SCFD2: variants seen among roughly 807,000 people sequenced by gnomAD.
SCFD2 encodes sec1 family domain containing 2, also known as sec1 family domain-containing protein 2.
A neutral mutation model predicts 58.9 loss-of-function variants in SCFD2; 54 were observed. That is an observed-to-expected ratio of 0.92 (90% CI 0.74 to 1.15). SCFD2 has a LOEUF of 1.15. Ranked by LOEUF, SCFD2 falls within the 50% of genes most tolerant of loss-of-function variation. The pLI, the probability that SCFD2 is intolerant of heterozygous loss-of-function variation, is 0.00. For synonymous variants in SCFD2, 321 were observed against 335.9 expected (o/e 0.96, Z 0.49); for missense variants, 805 against 836.6 (o/e 0.96, Z 0.47).
Position 52,873,746 on chromosome 4 carries a change from G to T in SCFD2, c.*223C>A, listed in dbSNP as rs1175749761. 6 of 379,120 alleles carry T rather than the reference G, an allele frequency of 1.6e-5. No individual in the cohort carries two copies. Among genetic ancestry groups the T allele is most frequent in the Non-Finnish European group, 2.4e-5 (5 of 207,442 alleles). 23.5% of individuals were successfully genotyped at this position (379,120 alleles called of 1,614,324 possible). A position where few individuals can be genotyped will look rare whatever the true frequency, so the allele number is the denominator to read the frequency against. On this transcript the variant is annotated 3_prime_UTR_variant, in exon 9 of 9. Transcript: ENST00000401642. ...AATTGGACTCGCCAAAAGACAGACT[G>T]TCGCCTTCAGGAAAATAAAAAAACT...
At chr4:52,971,229 A>T (rs985582015) in intron 5 of SCFD2, among the ~76,000 whole-genome samples, 1 of 152,210 alleles carries the variant, frequency 6.6e-6, no homozygotes, top group Non-Finnish European at 1.5e-5. Context: ...GAGCAAAAGG[A>T]GGAAGTTTGA....
chr4:53,259,310 C>T (rs1268400367), intron 4 of SCFD2, among the ~76,000 whole-genome samples: 2 of 152,030 alleles, frequency 1.3e-5, no homozygotes, highest in African/African-American at 4.8e-5. Flanking sequence ...AATATCTAGA[C>T]GGTTTGTCCG....
At position 52,873,391 on chromosome 4, in the gene SCFD2, G is replaced by T. The variant is rs1718394801; in HGVS notation, c.*578C>A. On this transcript the variant is annotated 3_prime_UTR_variant, in exon 9 of 9. Coordinates refer to ENST00000401642, the MANE Select transcript of SCFD2 (RefSeq NM_152540.4). ...ACAATGCAGTCCTTTGTTATGGCAG[G>T]ATGATTTACAACACATGCAGGCTAC... 1 of 152,506 alleles carries T rather than the reference G, an allele frequency of 6.6e-6. No homozygotes were observed. The highest frequency in any genetic ancestry group is 1.5e-5 in the Non-Finnish European group (1 of 68,304). The allele number at this position is 152,506 out of a possible 1,614,324, so 9.4% of individuals were successfully genotyped here.
At chr4:53,326,782 T>C (rs1433738622) in intron 2 of SCFD2, among the ~76,000 whole-genome samples, 3 of 152,096 alleles carry the variant, frequency 2.0e-5, no homozygotes, top group African/African-American at 7.2e-5. Context: ...CCTAAAGATG[T>C]GGTTAGCAAG....
intron 4 of SCFD2, among the ~76,000 whole-genome samples, chr4:53,183,396 G>A (rs553369284): frequency 3.9e-5 from 6 of 152,066 alleles, no homozygotes; most frequent in Admixed American, 2.6e-4. Flanking sequence ...GCAAACTATC[G>A]CAAGGACAAA....
intron 7 of SCFD2, among the ~76,000 whole-genome samples, chr4:52,903,664 T>C (rs1047121646): frequency 6.6e-6 from 1 of 152,248 alleles, no homozygotes; most frequent in African/African-American, 2.4e-5. Flanking sequence ...GCTCTCACAT[T>C]CTTTTGATAA....
intron 5 of SCFD2, among the ~76,000 whole-genome samples, chr4:53,021,412 G>C (rs566484721): frequency 7.0e-4 from 106 of 151,960 alleles, no homozygotes; most frequent in Non-Finnish European, 9.9e-4. Flanking sequence ...ATTCCTGTAG[G>C]TTTAGTTTAA....
intron 5 of SCFD2, among the ~76,000 whole-genome samples, chr4:53,038,939 C>T (rs1310152368): frequency 1.3e-5 from 2 of 152,110 alleles, no homozygotes; most frequent in Admixed American, 1.3e-4. Flanking sequence ...ATCCTCCTGC[C>T]TCAGTCTCTC....
intron 4 of SCFD2, among the ~76,000 whole-genome samples, chr4:53,237,011 G>A (rs1729644515): frequency 6.7e-6 from 1 of 149,928 alleles, no homozygotes; most frequent in Non-Finnish European, 1.5e-5. Context: ...TGTGTCCCTG[G>A]GTACTTGAGA....
At chr4:52,940,173 G>C (rs1186951726) in intron 5 of SCFD2, among the ~76,000 whole-genome samples, 1 of 152,240 alleles carries the variant, frequency 6.6e-6, no homozygotes, top group East Asian at 1.9e-4. Context: ...TTGGTTGCCT[G>C]ATAGAATGAA....
intron 2 of SCFD2, among the ~76,000 whole-genome samples, chr4:53,317,811 TG>T (rs941560623): frequency 5.9e-5 from 9 of 152,150 alleles, no homozygotes; most frequent in Non-Finnish European, 1.0e-4. Flanking sequence ...CTCTCCTAAA[TG>T]GGGATGGTAA....
intron 4 of SCFD2, among the ~76,000 whole-genome samples, chr4:53,238,440 C>T (rs1483171547): frequency 3.4e-5 from 5 of 147,948 alleles, no homozygotes; most frequent in African/African-American, 1.0e-4. Context: ...GGCGGCTGGC[C>T]GGGCAGGGGG....
chr4:52,907,405 C>T (rs1719372064), intron 7 of SCFD2, 52 bp downstream of exon 7: 4 of 1,586,730 alleles, frequency 2.5e-6, no homozygotes, highest in Non-Finnish European at 3.5e-6. Context: ...TTTTCATGCC[C>T]AGCAAAGAGA....
At chr4:53,007,776 T>G (rs1722011150) in intron 5 of SCFD2, among the ~76,000 whole-genome samples, 2 of 152,230 alleles carry the variant, frequency 1.3e-5, no homozygotes, top group Admixed American at 1.3e-4. Context: ...CCTTCCTACA[T>G]ATCCATGAAA....
chr4:53,255,901 T>C (rs1372489738), intron 4 of SCFD2, among the ~76,000 whole-genome samples: 62 of 136,496 alleles, frequency 4.5e-4, no homozygotes, highest in African/African-American at 1.6e-3. Context: ...GCTCCTCACT[T>C]CCCAGTAGGG....
intron 4 of SCFD2, among the ~76,000 whole-genome samples, chr4:53,150,073 C>T (rs1010639537): frequency 6.6e-6 from 1 of 152,092 alleles, no homozygotes; most frequent in African/African-American, 2.4e-5. Context: ...TTGATAAATG[C>T]ACCACAGTAG....
intron 4 of SCFD2, among the ~76,000 whole-genome samples, chr4:53,160,596 A>G (rs1192008715): frequency 6.6e-6 from 1 of 152,204 alleles, no homozygotes; most frequent in African/African-American, 2.4e-5. Flanking sequence ...AATGGGACAG[A>G]TAGACATATT....
At chr4:53,270,264 T>A (rs1424488054) in intron 4 of SCFD2, among the ~76,000 whole-genome samples, 2 of 151,964 alleles carry the variant, frequency 1.3e-5, no homozygotes, top group African/African-American at 4.8e-5. Context: ...GGAGAAAAAC[T>A]CATCATTTTA....
At chr4:53,179,828 A>C (rs1727480919) in intron 4 of SCFD2, among the ~76,000 whole-genome samples, 1 of 152,248 alleles carries the variant, frequency 6.6e-6, no homozygotes, top group South Asian at 2.1e-4. Flanking sequence ...AATGGAAAAC[A>C]AAAAAAGGCA....
Sources: allele counts gnomAD v4.1 joint callset (sites outside exome capture counted in the v4.1 genomes callset), GRCh38; gene constraint gnomAD v4.1.1; transcripts MANE v1.5; gene names NCBI Gene and HGNC (gene_info 2026-07-23, HGNC 2026-07-21).